The following GPC3 variants were observed in gnomAD, a reference collection of about 807,000 sequenced individuals.
The protein encoded by GPC3 is glypican-3.
Under a neutral mutation model 34.4 loss-of-function variants are expected in GPC3, and 3 were observed. The ratio of observed to expected loss-of-function variants is 0.09; its 90% CI spans 0.04 to 0.23. The LOEUF is 0.23. GPC3 is among the 10% of genes least tolerant of loss of function. The probability of loss-of-function intolerance (pLI) is 1.00; values close to 1 mark genes in which losing one functional copy is unlikely to be tolerated. For synonymous variants in GPC3, 177 were observed against 174.0 expected, an observed-to-expected ratio of 1.02 and a Z score of -0.13; for missense variants, 351 against 445.6, an observed-to-expected ratio of 0.79 and a Z score of 1.91.
chrX:133,766,858 C>G (rs2071852282), intron 2 of GPC3, among the ~76,000 whole-genome samples: 1 of 112,321 alleles, frequency 8.9e-6, no homozygotes, highest in Admixed American at 9.4e-5. Flanking sequence ...ATAATAAGAA[C>G]TAGCATCCTT....
At chrX:133,607,010 A>G (rs1466685062) in intron 6 of GPC3, among the ~76,000 whole-genome samples, 1 of 111,632 alleles carries the variant, frequency 9.0e-6, no homozygotes, top group Non-Finnish European at 1.9e-5. Context: ...GAACATGGTA[A>G]GCCCTCAATA....
chrX:133,552,385 G>A (rs764171750), intron 7 of GPC3, among the ~76,000 whole-genome samples: 1 of 111,847 alleles, frequency 8.9e-6, no homozygotes, highest in Non-Finnish European at 1.9e-5. Context: ...AGGGACCAGC[G>A]TCTTTTGGAG....
At chrX:133,725,987 C>A (rs773647982) in intron 3 of GPC3, among the ~76,000 whole-genome samples, 16 of 111,780 alleles carry the variant, frequency 1.4e-4, no homozygotes, top group Non-Finnish European at 1.9e-4. Flanking sequence ...TCACATATAT[C>A]TAGATTCAAA....
chrX:133,609,644 T>C (rs1225182032), intron 6 of GPC3, among the ~76,000 whole-genome samples: 1 of 112,437 alleles, frequency 8.9e-6, no homozygotes, highest in Non-Finnish European at 1.9e-5. Flanking sequence ...CTACATATTA[T>C]TGATATTGGT....
chrX:133,764,427 G>T (rs1268710986), intron 2 of GPC3, among the ~76,000 whole-genome samples: 1 of 111,740 alleles, frequency 8.9e-6, no homozygotes, highest in East Asian at 2.8e-4. Context: ...TAGAAAAAAT[G>T]CCCTTGGTTG....
intron 2 of GPC3, among the ~76,000 whole-genome samples, chrX:133,931,543 C>T (rs2076298354): frequency 1.8e-5 from 2 of 111,403 alleles, no homozygotes; most frequent in African/African-American, 6.5e-5. Context: ...GTTGCTTACC[C>T]TCTCTGAGCT....
At chrX:133,820,479 A>G (rs1297297788) in intron 2 of GPC3, among the ~76,000 whole-genome samples, 3 of 111,625 alleles carry the variant, frequency 2.7e-5, no homozygotes, top group Non-Finnish European at 5.6e-5. Flanking sequence ...TGGGACTTTG[A>G]GTGGCAGTAA....
intron 7 of GPC3, among the ~76,000 whole-genome samples, chrX:133,593,007 A>G (rs1348572499): frequency 9.0e-6 from 1 of 111,388 alleles, no homozygotes; most frequent in Non-Finnish European, 1.9e-5. Flanking sequence ...AAGATGAAAG[A>G]AAAAAAGGTC....
At chrX:133,806,244 T>TG (rs2075634590) in intron 2 of GPC3, among the ~76,000 whole-genome samples, 1 of 112,362 alleles carries the variant, frequency 8.9e-6, no homozygotes, top group Admixed American at 9.4e-5. Context: ...TCTCTGCTTT[T>TG]GCAATAAGAC....
chrX:133,643,479 T>A (rs982438171), intron 6 of GPC3, among the ~76,000 whole-genome samples: 2 of 112,090 alleles, frequency 1.8e-5, no homozygotes, highest in African/African-American at 3.2e-5. Context: ...TGATTTATTT[T>A]TTCTGATTTA....
At chrX:133,545,091 C>A (rs2069371850) in intron 7 of GPC3, among the ~76,000 whole-genome samples, 1 of 111,438 alleles carries the variant, frequency 9.0e-6, no homozygotes, top group Admixed American at 9.6e-5. Flanking sequence ...AAGGTTATCT[C>A]ATTCCCATGG....
intron 2 of GPC3, among the ~76,000 whole-genome samples, chrX:133,917,679 C>T (rs1159552076): frequency 9.0e-6 from 1 of 111,726 alleles, no homozygotes; most frequent in African/African-American, 3.3e-5. Context: ...AGCAGTGTTA[C>T]ATTTGTCCTA....
intron 2 of GPC3, among the ~76,000 whole-genome samples, chrX:133,945,316 G>A (rs1202349221): frequency 2.7e-5 from 3 of 111,030 alleles, no homozygotes; most frequent in Non-Finnish European, 3.8e-5. Flanking sequence ...CCTTGAGCCC[G>A]GGAGGCGGAG....
intron 1 of GPC3, among the ~76,000 whole-genome samples, chrX:133,969,075 G>C (rs2076477734): frequency 9.2e-6 from 1 of 108,970 alleles, no homozygotes; most frequent in African/African-American, 3.4e-5. Flanking sequence ...GGAGACCAAG[G>C]CTCTAAAACA....
chrX:133,670,297 A>C (rs766624610), intron 5 of GPC3, among the ~76,000 whole-genome samples: 8 of 111,845 alleles, frequency 7.2e-5, no homozygotes, highest in African/African-American at 2.3e-4. Context: ...GACATTTGTA[A>C]CAACACATAG....
At chrX:133,732,233 A>C (rs961699619) in intron 3 of GPC3, among the ~76,000 whole-genome samples, 2 of 111,727 alleles carry the variant, frequency 1.8e-5, no homozygotes, top group Non-Finnish European at 3.8e-5. Context: ...ATCTGGGAAA[A>C]AAGAAAGCAG....
At chrX:133,581,167 C>T (rs2069727867) in intron 7 of GPC3, among the ~76,000 whole-genome samples, 1 of 112,290 alleles carries the variant, frequency 8.9e-6, no homozygotes, top group African/African-American at 3.2e-5. Flanking sequence ...AGATTTCCAT[C>T]GGTTAGCAGA....
rs536297776 is a variant in GPC3 at position 133,686,698 on chromosome X, T to C, written c.1292+5671A>G. On this transcript the variant is annotated intron_variant, in intron 5 of 7. Coordinates refer to ENST00000370818, the MANE Select transcript of GPC3 (RefSeq NM_004484.4). ...AGAGAGAGATGGTGGTTGTACAACA[T>C]TGTGAATGGACTAAATGCCACTGAA... Among the ~76,000 whole-genome samples the C allele has an allele frequency of 1.4e-3, 150 of 109,237 alleles. 2 individuals carry two copies. In the South Asian group the frequency reaches 0.017, roughly 12 times the overall value. 94.9% of individuals were successfully genotyped at this position (109,237 alleles called of 115,157 possible).
At chrX:133,661,562 C>CTCTCTT (rs1569408548) in intron 6 of GPC3, among the ~76,000 whole-genome samples, 168 bp downstream of exon 6, 92 of 67,461 alleles carry the variant, frequency 1.4e-3, no homozygotes, top group African/African-American at 5.4e-3. Flanking sequence ...CTGGCTATAT[C>CTCTCTT]TCTCTTTCTC....
Sources: allele counts gnomAD v4.1 joint callset (sites outside exome capture counted in the v4.1 genomes callset), GRCh38; gene constraint gnomAD v4.1.1; transcripts MANE v1.5; gene names NCBI Gene and HGNC (gene_info 2026-07-23, HGNC 2026-07-21).